Variants in CTSV observed in about 807,000 individuals in gnomAD.
CTSV encodes cathepsin V, also known as cathepsin L2.
In CTSV, 33 loss-of-function variants were observed where a neutral mutation model predicts 35.6. The ratio of observed to expected loss-of-function variants is 0.93; its 90% CI spans 0.70 to 1.24. The LOEUF (loss-of-function observed/expected upper bound fraction) is 1.24, where lower values mean the gene tolerates loss of function less well. Ranked by LOEUF, CTSV falls within the 50% of genes most tolerant of loss-of-function variation. The pLI, the probability that CTSV is intolerant of heterozygous loss-of-function variation, is 0.00. For synonymous variants in CTSV, 154 were observed against 147.1 expected (o/e 1.05, Z -0.34); for missense variants, 408 against 413.1 (o/e 0.99, Z 0.11).
intron 7 of CTSV, 148 bp from the exon 8 acceptor site, chr9:97,033,196 G>T (rs1828784520): frequency 1.8e-6 from 1 of 568,388 alleles, no homozygotes; most frequent in Admixed American, 3.3e-5. Flanking sequence ...ATGTCCTGAG[G>T]CTGGGCACAG....
rs978451969 is a variant in CTSV at position 97,030,310 on chromosome 9, T to C, written c.*2639A>G. The stretch of plus-strand genomic sequence containing the variant: ...TAGTATGATGCCCAAGTGTCATAAC[T>C]ACACTCCCACATCAGCAAACTCCTC... On this transcript the variant is annotated 3_prime_UTR_variant, in exon 8 of 8. Transcript: ENST00000259470. 2.0e-5 allele frequency: 3 copies of C among 152,224 alleles called. No homozygotes were observed. Among genetic ancestry groups the C allele is most frequent in the Admixed American group, 2.0e-4 (3 of 15,282 alleles). 9.4% of individuals were successfully genotyped at this position (152,224 alleles called of 1,614,324 possible). A position where few individuals can be genotyped will look rare whatever the true frequency, so the allele number is the denominator to read the frequency against.
chr9:97,035,666 T>G lies in CTSV; in HGVS notation c.649A>C (p.Asn217His). The G allele has an allele frequency of 6.3e-7, 1 of 1,587,216 alleles. No homozygotes were observed. Among genetic ancestry groups the G allele is most frequent in the Non-Finnish European group, 8.6e-7 (1 of 1,165,438 alleles). ...VDEICKYRPE[N>H]SVANDTGFTV... ...AAGCCAGTGTCATTAGCAACAGAAT[T>G]CTCAGGTCTGTACTTACAGATTTCA... is the stretch of plus-strand genomic sequence containing the variant. The change falls in exon 6 of 8, where the codon AAT becomes CAT. Residue 217 changes from asparagine to histidine, a missense_variant. Transcript: ENST00000259470.
Position 97,038,048 on chromosome 9 carries a change from C to T in CTSV, c.-5G>A. On this transcript the variant is annotated 5_prime_UTR_variant, in exon 2 of 8. Coordinates refer to ENST00000259470, the MANE Select transcript of CTSV (RefSeq NM_001333.4). The stretch of plus-strand genomic sequence containing the variant: ...CAGGACGAGCGAAAGATTCATGTTT[C>T]AAAACCTAGAAAGAGAAAAGAAATG... 1 of 1,612,978 alleles carries T rather than the reference C, an allele frequency of 6.2e-7. No homozygotes were observed. The highest frequency in any genetic ancestry group is 8.5e-7 in the Non-Finnish European group (1 of 1,179,148).
At chr9:97,034,572 G>A (rs773470655) in intron 7 of CTSV, 154 bp downstream of exon 7, 14 of 613,868 alleles carry the variant, frequency 2.3e-5, no homozygotes, top group Non-Finnish European at 3.4e-5. Flanking sequence ...ACTCCAAAAA[G>A]CTTGGTACGG....
intron 7 of CTSV, 104 bp from the exon 8 acceptor site, chr9:97,033,152 C>T (rs1828784183): frequency 1.4e-6 from 1 of 714,274 alleles, no homozygotes; most frequent in Non-Finnish European, 2.4e-6. Context: ...ATGTGTCAGG[C>T]ACTATTCTAA....
At chr9:97,033,118 G>A in intron 7 of CTSV, 70 bp from the exon 8 acceptor site, 2 of 952,158 alleles carry the variant, frequency 2.1e-6, no homozygotes, top group South Asian at 2.9e-5. Context: ...AATAATAATA[G>A]CTAATACTTA....
intron 7 of CTSV, 68 bp from the exon 8 acceptor site, chr9:97,033,116 T>C: frequency 2.1e-6 from 2 of 954,494 alleles, no homozygotes; most frequent in South Asian, 2.9e-5. Flanking sequence ...TTAATAATAA[T>C]AGCTAATACT....
intron 5 of CTSV, among the ~76,000 whole-genome samples, chr9:97,036,149 C>A (rs1210613681): frequency 6.6e-6 from 1 of 151,728 alleles, no homozygotes; most frequent in Non-Finnish European, 1.5e-5. Context: ...TGGCTCACTG[C>A]AAGCTCCGCC....
At chr9:97,038,863 A>G (rs1013505066) in intron 1 of CTSV, among the ~76,000 whole-genome samples, 1 of 152,024 alleles carries the variant, frequency 6.6e-6, no homozygotes, top group East Asian at 1.9e-4. Flanking sequence ...AGGATGACTG[A>G]CCTGCCCCGC....
chr9:97,032,344 G>C lies in CTSV; in HGVS notation c.*605C>G, dbSNP rs1362790041. ...ACCCGGGAGGCAGAGGTTGCAGTGA[G>C]CTGAGATCACACTACTGCACTCCAG... On this transcript the variant is annotated 3_prime_UTR_variant, in exon 8 of 8. Transcript: ENST00000259470. The C allele has an allele frequency of 6.6e-6, 1 of 152,246 alleles. No individual in the cohort carries two copies. The highest frequency in any genetic ancestry group is 2.4e-5 in the African/African-American group (1 of 41,424). 9.4% of individuals were successfully genotyped at this position (152,246 alleles called of 1,614,324 possible).
intron 1 of CTSV, among the ~76,000 whole-genome samples, 189 bp downstream of exon 1, chr9:97,038,882 T>TC (rs1313170378): frequency 6.6e-6 from 1 of 151,888 alleles, no homozygotes; most frequent in African/African-American, 2.4e-5. Context: ...GCCCGGGCCC[T>TC]CCCAGTGGTG....
rs1828736018 is a variant in CTSV, at chr9:97,030,994, T to C, written c.*1955A>G. On this transcript the variant is annotated 3_prime_UTR_variant, in exon 8 of 8. Coordinates refer to ENST00000259470, the MANE Select transcript of CTSV (RefSeq NM_001333.4). Reference sequence around the variant, plus strand: ...GACAACACATCAGGTTTGTAACTTTTCACAAGTTTAAAATATTTCAAAGGT... The same window carrying C: ...GACAACACATCAGGTTTGTAACTTTCCACAAGTTTAAAATATTTCAAAGGT... 1 of 152,238 alleles carries C rather than the reference T, an allele frequency of 6.6e-6. No individual in the cohort carries two copies. The highest frequency in any genetic ancestry group is 2.4e-5 in the African/African-American group (1 of 41,472). 9.4% of individuals were successfully genotyped at this position (152,238 alleles called of 1,614,324 possible).
intron 2 of CTSV, 43 bp from the exon 3 acceptor site, chr9:97,037,658 C>A: frequency 6.2e-7 from 1 of 1,604,622 alleles, no homozygotes; most frequent in Non-Finnish European, 8.5e-7. Context: ...GTCTACTTAC[C>A]CAACCCATGT....
At chr9:97,035,112 A>G (rs1029947642) in intron 6 of CTSV, among the ~76,000 whole-genome samples, 4 of 152,204 alleles carry the variant, frequency 2.6e-5, no homozygotes, top group Non-Finnish European at 5.9e-5. Flanking sequence ...GATAAAACCT[A>G]TTGTTTACAG....
intron 5 of CTSV, among the ~76,000 whole-genome samples, chr9:97,036,212 G>A (rs1230646192): frequency 1.3e-5 from 2 of 151,812 alleles, no homozygotes; most frequent in Admixed American, 6.6e-5. Flanking sequence ...CTGGGACTAC[G>A]GGCACCCGCC....
At chr9:97,036,962 C>T (rs761227001) in intron 4 of CTSV, among the ~76,000 whole-genome samples, 7 of 151,970 alleles carry the variant, frequency 4.6e-5, no homozygotes, top group Non-Finnish European at 1.0e-4. Flanking sequence ...CAAAAATTAG[C>T]TGGGCATGGT....
rs1396307403 is a variant in CTSV, at chr9:97,032,798, C to A, written c.*151G>T. 3 of 524,152 alleles carry A rather than the reference C, an allele frequency of 5.7e-6. No individual in the cohort carries two copies. The highest frequency in any genetic ancestry group is 6.7e-6 in the Non-Finnish European group (2 of 297,852). 32.5% of individuals were successfully genotyped at this position (524,152 alleles called of 1,614,324 possible). A position where few individuals can be genotyped will look rare whatever the true frequency, so the allele number is the denominator to read the frequency against. ...TAATTAAAGTAGTGGTAACATTTTACCCTTGTAAAAATGTCACAGAATTAA... is the reference window on the plus strand; with the variant it reads ...TAATTAAAGTAGTGGTAACATTTTAACCTTGTAAAAATGTCACAGAATTAA... On this transcript the variant is annotated 3_prime_UTR_variant, in exon 8 of 8. Coordinates refer to ENST00000259470, the MANE Select transcript of CTSV (RefSeq NM_001333.4).
chr9:97,031,091 A>C lies in CTSV; in HGVS notation c.*1858T>G, dbSNP rs986877346. On this transcript the variant is annotated 3_prime_UTR_variant, in exon 8 of 8. Coordinates refer to ENST00000259470, the MANE Select transcript of CTSV (RefSeq NM_001333.4). ...AGGGGTGCTGTTTTGACAGATTTGA[A>C]ATTTTTTTATTTGAATAAAAAGCCA... 5.3e-5 allele frequency: 8 copies of C among 152,158 alleles called. No homozygotes were observed. Among genetic ancestry groups the C allele is most frequent in the African/African-American group, 1.9e-4 (8 of 41,434 alleles). The allele number at this position is 152,158 out of a possible 1,614,324, so 9.4% of individuals were successfully genotyped here.
At chr9:97,037,428 A>G in intron 3 of CTSV, 30 bp from the exon 4 acceptor site, 1 of 1,613,822 alleles carries the variant, frequency 6.2e-7, no homozygotes, top group Non-Finnish European at 8.5e-7. Flanking sequence ...AAATGTTAAA[A>G]GCAAGACTAT....
Sources: allele counts gnomAD v4.1 joint callset (sites outside exome capture counted in the v4.1 genomes callset), GRCh38; gene constraint gnomAD v4.1.1; transcripts MANE v1.5; gene names NCBI Gene and HGNC (gene_info 2026-07-23, HGNC 2026-07-21).